The following NBAS variants were observed in gnomAD, a reference collection of about 807,000 sequenced individuals.
The protein encoded by NBAS is NBAS subunit of NRZ tethering complex.
Under a neutral mutation model 302.5 loss-of-function variants are expected in NBAS, and 219 were observed. The observed-to-expected ratio is 0.72, with a 90% CI of 0.65 to 0.81. The LOEUF (loss-of-function observed/expected upper bound fraction) is 0.81, where lower values mean the gene tolerates loss of function less well. Ranked by LOEUF, NBAS falls within the 30% of genes least tolerant of loss-of-function variation. NBAS has a pLI of 0.00. For synonymous variants in NBAS, 1,118 were observed against 1,021.6 expected, an observed-to-expected ratio of 1.09 and a Z score of -1.80; for missense variants, 2,932 against 2,841.6, an observed-to-expected ratio of 1.03 and a Z score of -0.72.
chr2:15,113,574 T>C, the NBAS span, among the ~76,000 whole-genome samples: 3 of 151,870 alleles, frequency 2.0e-5, no homozygotes, highest in South Asian at 4.2e-4. Flanking sequence ...TAGAAGAGAT[T>C]CTCCCTGGCC....
the NBAS span, among the ~76,000 whole-genome samples, chr2:15,042,071 C>T: frequency 3.3e-5 from 5 of 152,222 alleles, no homozygotes; most frequent in African/African-American, 1.2e-4. Context: ...GCTTCTAAAT[C>T]CTCCTGATAT....
chr2:15,537,407 C>T (rs991847359), intron 7 of NBAS, among the ~76,000 whole-genome samples: 11 of 152,184 alleles, frequency 7.2e-5, no homozygotes, highest in Non-Finnish European at 1.2e-4. Context: ...CACTTTCCCA[C>T]AATTTACCAC....
At chr2:15,062,048 G>A in the NBAS span, among the ~76,000 whole-genome samples, 1 of 152,180 alleles carries the variant, frequency 6.6e-6, no homozygotes. Flanking sequence ...AGCAGCCACA[G>A]AAGGTGCCAT....
At position 15,275,550 on chromosome 2, in the gene NBAS, A is replaced by G. The variant is rs1200796791; in HGVS notation, c.5658T>C (p.Arg1886=). The part of the protein sequence containing the change: ...AYDVCMKYFD[R]LHPGDLITVV... The stretch of plus-strand genomic sequence containing the variant: ...CAGTGATGAGGTCACCTGGGTGGAG[A>G]CGATCAAAGTACTTCATGCAGACAT... The change falls in exon 44 of 52, where the codon CGT becomes CGC. Residue 1886 remains arginine (R), a synonymous_variant. Coordinates refer to ENST00000281513, the MANE Select transcript of NBAS (RefSeq NM_015909.4). The G allele has an allele frequency of 4.3e-6, 7 of 1,613,994 alleles. No homozygotes were observed. Among genetic ancestry groups the G allele is most frequent in the Non-Finnish European group, 5.9e-6 (7 of 1,179,988 alleles).
At chr2:15,197,120 G>C (rs575723472) in intron 48 of NBAS, among the ~76,000 whole-genome samples, 1 of 152,110 alleles carries the variant, frequency 6.6e-6, no homozygotes, top group Non-Finnish European at 1.5e-5. Context: ...AGCAAACTAA[G>C]TTTGAATTGT....
chr2:14,934,018 AG>A, the NBAS span, among the ~76,000 whole-genome samples: 1 of 152,244 alleles, frequency 6.6e-6, no homozygotes, highest in Non-Finnish European at 1.5e-5. Context: ...TATGGAGAGT[AG>A]TGTAATGTGC....
chr2:15,386,551 G>T (rs1368249577), intron 28 of NBAS, among the ~76,000 whole-genome samples: 3 of 152,020 alleles, frequency 2.0e-5, no homozygotes, highest in Non-Finnish European at 4.4e-5. Context: ...CTACAGATCT[G>T]GAATTTAACT....
chr2:14,902,532 T>C, the NBAS span, among the ~76,000 whole-genome samples: 2 of 152,166 alleles, frequency 1.3e-5, no homozygotes, highest in Middle Eastern at 3.2e-3. Context: ...GCTCTGTATA[T>C]GTAGACCCAT....
intron 21 of NBAS, among the ~76,000 whole-genome samples, chr2:15,439,147 A>C (rs560810793): frequency 8.8e-4 from 133 of 151,768 alleles, no homozygotes; most frequent in African/African-American, 2.6e-3. Context: ...TACACACACA[A>C]AAAAAATTAG....
intron 21 of NBAS, among the ~76,000 whole-genome samples, chr2:15,438,735 C>G (rs1251814230): frequency 6.6e-6 from 1 of 152,142 alleles, no homozygotes; most frequent in African/African-American, 2.4e-5. Context: ...CTAGAATTTA[C>G]AGACAATGGA....
the NBAS span, among the ~76,000 whole-genome samples, chr2:14,875,354 T>G: frequency 2.0e-5 from 3 of 152,178 alleles, no homozygotes; most frequent in African/African-American, 7.2e-5. Context: ...GCATGGTGGC[T>G]CAAGCCTGTA....
chr2:14,871,663 G>A, the NBAS span, among the ~76,000 whole-genome samples: 119 of 152,082 alleles, frequency 7.8e-4, no homozygotes, highest in Middle Eastern at 0.01. Context: ...AGAAAGAGAA[G>A]TATATTACTG....
intron 21 of NBAS, among the ~76,000 whole-genome samples, chr2:15,433,352 A>C (rs1677852862): frequency 6.6e-6 from 1 of 152,194 alleles, no homozygotes; most frequent in South Asian, 2.1e-4. Flanking sequence ...TAGTTAGTAC[A>C]TAAAGGCCCT....
chr2:14,833,437 C>G, the NBAS span, among the ~76,000 whole-genome samples: 2 of 152,098 alleles, frequency 1.3e-5, no homozygotes, highest in African/African-American at 4.8e-5. Flanking sequence ...TATTTCTCAT[C>G]TATAAAGTAT....
chr2:15,311,805 T>C (rs1671289276), intron 38 of NBAS, among the ~76,000 whole-genome samples: 1 of 152,098 alleles, frequency 6.6e-6, no homozygotes, highest in African/African-American at 2.4e-5. Context: ...ACTTTTTTAT[T>C]TGCCTAGTGC....
At chr2:15,390,179 C>A (rs1051244316) in intron 28 of NBAS, among the ~76,000 whole-genome samples, 1 of 152,190 alleles carries the variant, frequency 6.6e-6, no homozygotes, top group Non-Finnish European at 1.5e-5. Flanking sequence ...CCTCAAGACA[C>A]ACAGGCATTA....
At position 15,452,587 on chromosome 2, in the gene NBAS, C is replaced by CAA. The variant is rs746981808; in HGVS notation, c.2339+8612_2339+8613dup. Among the ~76,000 whole-genome samples, 29 of 75,962 alleles carry CAA rather than the reference C, an allele frequency of 3.8e-4. 1 individual carries two copies. The highest frequency in any genetic ancestry group is 9.3e-4 in the African/African-American group (21 of 22,680). 49.8% of individuals were successfully genotyped at this position (75,962 alleles called of 152,430 possible). A position where few individuals can be genotyped will look rare whatever the true frequency, so the allele number is the denominator to read the frequency against. On this transcript the variant is annotated intron_variant, in intron 21 of 51. Transcript: ENST00000281513. ...TGGGCAACACAGAGAGACTCTGTCT[C>CAA]AAAAAAAAAAAAAAAAAGTGTATCA... is the stretch of plus-strand genomic sequence containing the variant.
intron 35 of NBAS, among the ~76,000 whole-genome samples, chr2:15,334,650 A>C (rs904346675): frequency 8.5e-5 from 13 of 152,256 alleles, no homozygotes; most frequent in East Asian, 3.8e-4. Flanking sequence ...TTGCAAATTC[A>C]GAAAAAGTAT....
At chr2:14,950,101 G>A in the NBAS span, among the ~76,000 whole-genome samples, 1 of 152,046 alleles carries the variant, frequency 6.6e-6, no homozygotes, top group Non-Finnish European at 1.5e-5. Flanking sequence ...TGAGATCCTG[G>A]TGCACCTATC....
Sources: gnomAD v4.1 joint callset for allele counts (sites outside exome capture counted in the v4.1 genomes callset) on GRCh38, gnomAD v4.1.1 for gene constraint, MANE v1.5 for transcripts, NCBI Gene and HGNC (gene_info 2026-07-23, HGNC 2026-07-21) for gene names.